The following SLC2A7 variants were observed in gnomAD, a reference collection of about 807,000 sequenced individuals.
SLC2A7 encodes the protein solute carrier family 2, facilitated glucose transporter member 7.
A neutral mutation model predicts 50.5 loss-of-function variants in SLC2A7; 50 were observed. The ratio of observed to expected loss-of-function variants is 0.99; its 90% CI spans 0.79 to 1.25. The LOEUF (loss-of-function observed/expected upper bound fraction) is 1.25. Ranked by LOEUF, SLC2A7 falls within the 50% of genes most tolerant of loss-of-function variation. The probability of loss-of-function intolerance (pLI) is 0.00; values close to 1 mark genes in which losing one functional copy is unlikely to be tolerated. For synonymous variants in SLC2A7, 308 were observed against 300.4 expected (o/e 1.03, Z -0.26); for missense variants, 683 against 679.1 (o/e 1.01, Z -0.06).
chr1:9,006,149 CG>C (rs1161457211), intron 10 of SLC2A7, among the ~76,000 whole-genome samples: 2 of 152,132 alleles, frequency 1.3e-5, no homozygotes, highest in African/African-American at 4.8e-5. Flanking sequence ...GGGGGCAGAA[CG>C]GCTTGGAACC....
chr1:9,011,595 A>G (rs775341710), intron 8 of SLC2A7, among the ~76,000 whole-genome samples: 11 of 152,122 alleles, frequency 7.2e-5, no homozygotes, highest in Non-Finnish European at 1.5e-4. Flanking sequence ...GGCTCACATC[A>G]TGCGGGGCCC....
In SLC2A7 at chr1:9,014,713, T is replaced by C. The variant is rs1640799457; in HGVS notation, c.871A>G (p.Met291Val). The stretch of plus-strand genomic sequence containing the variant: ...ATGCCCGACAGCTGCTGGCCGGCCA[T>C]GAGCACGATGATGGAGAGGAGCTGC... ...RWQLLSIIVL[M>V]AGQQLSGINA... is the part of the protein sequence containing the mutation. Residue 291 changes from methionine (M) to valine (V), a missense_variant, in exon 7 of 12, where the codon ATG (methionine) becomes GTG (valine). Coordinates refer to ENST00000400906, the MANE Select transcript of SLC2A7 (RefSeq NM_207420.3). 2.6e-6 allele frequency: 4 copies of C among 1,565,534 alleles called. No individual in the cohort carries two copies. The highest frequency in any genetic ancestry group is 2.4e-5 in the East Asian group (1 of 42,026).
chr1:9,008,327 G>A lies in SLC2A7; in HGVS notation c.1117-942C>T, dbSNP rs7530465. 0.27 allele frequency among the ~76,000 whole-genome samples: 41,712 copies of A among 152,036 alleles called. 10,571 individuals carry two copies. The highest frequency in any genetic ancestry group is 0.68 in the African/African-American group (28,272 of 41,410). ...ACAAGATCTGATTCATTTTCAACAA[G>A]AAGAGAAGGCAGGAGGATTGGGGCC... On this transcript the variant is annotated intron_variant, in intron 9 of 11. Transcript: ENST00000400906. This position sits in a 1 kb window ranked among gnomAD's most constrained non-coding sequence, Gnocchi z 5.9.
intron 9 of SLC2A7, 89 bp from the exon 10 acceptor site, chr1:9,007,474 G>C: frequency 8.0e-7 from 1 of 1,252,654 alleles, no homozygotes; most frequent in South Asian, 1.3e-5. Context: ...CCTGCCCCAG[G>C]GAGGAGCTGC....
rs537378112 is a variant in SLC2A7 at position 9,011,237 on chromosome 1, C to T, written c.1015-993G>A. On this transcript the variant is annotated intron_variant, in intron 8 of 11. Transcript: ENST00000400906. ...CAACCCTGGGGCTTCCCCGCAGGCC[C>T]GGAATGGCGTGGACCGCACCCTCCT... 2.0e-4 allele frequency among the ~76,000 whole-genome samples: 30 copies of T among 152,396 alleles called. No homozygotes were observed. The South Asian group carries it at 4.6e-3, about 23-fold the overall frequency.
At chr1:9,015,625 G>C (rs952495005) in intron 5 of SLC2A7, among the ~76,000 whole-genome samples, 3 of 152,124 alleles carry the variant, frequency 2.0e-5, no homozygotes, top group African/African-American at 7.2e-5. Flanking sequence ...GCTCCTTCTG[G>C]ATGGCTTGGC....
downstream of SLC2A7, among the ~76,000 whole-genome samples, chr1:9,000,619 A>AAAAT (rs557332669): frequency 9.7e-4 from 147 of 152,218 alleles, 1 homozygote; most frequent in Non-Finnish European, 9.1e-4. Flanking sequence ...ACTCTGTCTC[A>AAAAT]AAATAAATAA....
At position 9,003,253 on chromosome 1, in the gene SLC2A7, A is replaced by G. The variant is rs1175362080; in HGVS notation, c.*47T>C. On this transcript the variant is annotated 3_prime_UTR_variant, in exon 12 of 12. Transcript: ENST00000400906. ...GCCTGGGGCCGGGAGGCCCATTGTC[A>G]TAGAAGGAAGCCTTGAATATGGGCT... 3 of 1,593,126 alleles carry G rather than the reference A, an allele frequency of 1.9e-6. No homozygotes were observed. The Admixed American group carries it at 5.2e-5, about 27-fold the overall frequency.
chr1:9,019,290 C>T lies in SLC2A7; in HGVS notation c.355G>A (p.Ala119Thr), dbSNP rs200486584. 243 of 1,613,950 alleles carry T rather than the reference C, an allele frequency of 1.5e-4. No individual in the cohort carries two copies. The highest frequency in any genetic ancestry group is 4.9e-4 in the Middle Eastern group (3 of 6,084). Residue 119 changes from alanine (A) to threonine (T), a missense_variant, in exon 4 of 12, where the codon GCC becomes ACC. Ala to Thr is a moderately conservative substitution (Grantham distance 58). Transcript: ENST00000400906. ...LINNIFAIIP[A>T]ILMGVSKVAK... Reference sequence around the variant, plus strand: ...ACTTTGCTGACTCCCATCAGGATGGCGGGGATGATGGCAAAGATGTTGTTG... The same window carrying T: ...ACTTTGCTGACTCCCATCAGGATGGTGGGGATGATGGCAAAGATGTTGTTG...
the SLC2A7 span, among the ~76,000 whole-genome samples, chr1:8,994,198 G>A: frequency 6.6e-6 from 1 of 152,204 alleles, no homozygotes; most frequent in Admixed American, 6.5e-5. Flanking sequence ...CTGACCTAAG[G>A]GAATGCCACC....
the SLC2A7 span, among the ~76,000 whole-genome samples, chr1:8,993,740 G>T: frequency 6.6e-6 from 1 of 152,210 alleles, no homozygotes; most frequent in Non-Finnish European, 1.5e-5. Flanking sequence ...CGATTCGCCT[G>T]CCTCAGCCTC....
intron 3 of SLC2A7, among the ~76,000 whole-genome samples, chr1:9,022,030 G>A (rs1397734892): frequency 5.3e-5 from 8 of 152,178 alleles, no homozygotes; most frequent in African/African-American, 1.9e-4. Flanking sequence ...ATAATGTATG[G>A]CAAATTAATT....
intron 5 of SLC2A7, among the ~76,000 whole-genome samples, chr1:9,015,876 A>G (rs1304187532): frequency 6.7e-6 from 1 of 148,212 alleles, no homozygotes; most frequent in Non-Finnish European, 1.5e-5. Context: ...CGCGTGCATT[A>G]CCGCACCTGG....
downstream of SLC2A7, among the ~76,000 whole-genome samples, chr1:9,002,154 T>C (rs1205989984): frequency 1.3e-5 from 2 of 152,172 alleles, no homozygotes; most frequent in Admixed American, 6.5e-5. Flanking sequence ...GCCTGGGTAT[T>C]GTCTAAGGCT....
At chr1:9,023,539 G>A (rs1640945858) in intron 2 of SLC2A7, among the ~76,000 whole-genome samples, 1 of 152,004 alleles carries the variant, frequency 6.6e-6, no homozygotes, top group African/African-American at 2.4e-5. Context: ...CCTGGGAGGT[G>A]GAGCTTGCAG....
At chr1:9,018,167 C>T (rs1640857643) in intron 5 of SLC2A7, 56 bp downstream of exon 5, 2 of 1,608,250 alleles carry the variant, frequency 1.2e-6, no homozygotes, top group South Asian at 2.2e-5. Context: ...TCAGTAACAC[C>T]TGGCACAGCC....
At chr1:9,002,754 T>C (rs996431806), downstream of SLC2A7, among the ~76,000 whole-genome samples, 3 of 152,218 alleles carry the variant, frequency 2.0e-5, no homozygotes, top group Admixed American at 6.5e-5. Flanking sequence ...TTTTTCAGTC[T>C]CTCATCCCAC....
rs1160720398 is a variant in SLC2A7, at chr1:9,026,229, T to C, written c.51+66A>G. Reference sequence around the variant, plus strand: ...CTAAAAGCATTCCACGGCCTTCACCTCCCTCCACAGGTCTGCACAGCTGGT... The same window carrying C: ...CTAAAAGCATTCCACGGCCTTCACCCCCCTCCACAGGTCTGCACAGCTGGT... On this transcript the variant is annotated intron_variant, in intron 1 of 11. Transcript: ENST00000400906. The C allele has an allele frequency of 1.0e-5, 16 of 1,541,904 alleles. No homozygotes were observed. The African/African-American group carries it at 1.9e-4, about 18-fold the overall frequency.
downstream of SLC2A7, among the ~76,000 whole-genome samples, chr1:9,002,785 G>T (rs552680245): frequency 1.3e-5 from 2 of 152,330 alleles, no homozygotes; most frequent in Admixed American, 1.3e-4. Flanking sequence ...ATACCCACAG[G>T]TGTCGAGGGG....
Sources: allele counts gnomAD v4.1 joint callset (sites outside exome capture counted in the v4.1 genomes callset), GRCh38; gene constraint gnomAD v4.1.1; non-coding constraint Gnocchi (gnomAD v3.1); transcripts MANE v1.5; gene names NCBI Gene and HGNC (gene_info 2026-07-23, HGNC 2026-07-21).